Variants in CERS1 observed in about 807,000 individuals in gnomAD.
The protein encoded by CERS1 is Embryonic growth/differentiation factor 1.
A neutral mutation model predicts 35.7 loss-of-function variants in CERS1; 16 were observed. That is an observed-to-expected ratio of 0.45 (90% CI 0.30 to 0.68). The LOEUF (loss-of-function observed/expected upper bound fraction) is 0.68, where lower values mean the gene tolerates loss of function less well. CERS1 is among the 30% of genes least tolerant of loss of function. The pLI, the probability that CERS1 is intolerant of heterozygous loss-of-function variation, is 0.08. For synonymous variants in CERS1, 243 were observed against 201.6 expected (o/e 1.21, Z -1.74); for missense variants, 454 against 453.9 (o/e 1.00, Z 0.00).
chr19:18,887,939 C>T (rs982076946), intron 2 of CERS1, among the ~76,000 whole-genome samples: 2 of 152,166 alleles, frequency 1.3e-5, no homozygotes, highest in African/African-American at 4.8e-5. Context: ...CCTGGCACCC[C>T]CCATCCCACT....
In CERS1 at chr19:18,870,389, C is replaced by T. The variant is rs2055946852; in HGVS notation, c.*188G>A. The T allele has an allele frequency of 6.7e-7, 1 of 1,481,990 alleles. No homozygotes were observed. 91.8% of individuals were successfully genotyped at this position (1,481,990 alleles called of 1,614,324 possible). On this transcript the variant is annotated 3_prime_UTR_variant, in exon 7 of 8. Transcript: ENST00000623882. The surrounding 1 kb of genome is among the most constrained non-coding windows in gnomAD (Gnocchi z 5.1). ...TGGGCTGAGGGCGGGGCCGGTGTCC[C>T]CGGAGGGGCAGGGGTCCTGGGGGGC...
chr19:18,884,805 C>T (rs2056311084), intron 2 of CERS1, among the ~76,000 whole-genome samples: 1 of 149,644 alleles, frequency 6.7e-6, no homozygotes, highest in African/African-American at 2.5e-5. Flanking sequence ...CCTCCACCTC[C>T]CAGGTTCAAG....
chr19:18,884,840 A>C (rs146724200), intron 2 of CERS1, among the ~76,000 whole-genome samples: 1,891 of 150,390 alleles, frequency 0.013, 41 homozygotes, highest in African/African-American at 0.043. Context: ...CAGCCTCCAG[A>C]GTAGCTGGGA....
intron 6 of CERS1, among the ~76,000 whole-genome samples, chr19:18,873,355 A>C (rs758379240): frequency 6.6e-6 from 1 of 151,438 alleles, no homozygotes; most frequent in Non-Finnish European, 1.5e-5. Context: ...GAAGAGAAGG[A>C]GGCCAGCCAG....
At position 18,878,326 on chromosome 19, in the gene CERS1, G is replaced by A. The variant is rs2056103275; in HGVS notation, c.1010+604C>T. ...TGCCTGCCCCAGGCCTGGGGCTTCGGACACCATCTGGCTGTCACCCAGGGC... is the reference window on the plus strand; with the variant it reads ...TGCCTGCCCCAGGCCTGGGGCTTCGAACACCATCTGGCTGTCACCCAGGGC... On this transcript the variant is annotated intron_variant, in intron 6 of 7. Coordinates refer to ENST00000623882, the MANE Select transcript of CERS1 (RefSeq NM_021267.5). This position sits in a 1 kb window ranked among gnomAD's most constrained non-coding sequence, Gnocchi z 4.6. The A allele has an allele frequency of 3.0e-6, 3 of 984,524 alleles. No individual in the cohort carries two copies. Among genetic ancestry groups the A allele is most frequent in the Non-Finnish European group, 3.6e-6 (3 of 829,960 alleles). 61.0% of individuals were successfully genotyped at this position (984,524 alleles called of 1,614,324 possible).
In CERS1 at chr19:18,868,581, C is replaced by G; in HGVS notation, c.*1404G>C. 6.5e-7 allele frequency: 1 copy of G among 1,542,180 alleles called. No homozygotes were observed. Among genetic ancestry groups the G allele is most frequent in the East Asian group, 2.4e-5 (1 of 40,994 alleles). ...GCGGCATTTATTGTTGGGCCCGCGTCCCTGCCCGCCCCGGGTTAGCGGCAG... is the reference window on the plus strand; with the variant it reads ...GCGGCATTTATTGTTGGGCCCGCGTGCCTGCCCGCCCCGGGTTAGCGGCAG... On this transcript the variant is annotated 3_prime_UTR_variant, in exon 8 of 8. Transcript: ENST00000623882.
intron 6 of CERS1, among the ~76,000 whole-genome samples, chr19:18,877,690 G>A (rs909899932): frequency 2.0e-5 from 3 of 148,588 alleles, no homozygotes; most frequent in African/African-American, 7.5e-5. Flanking sequence ...GGGAGGCGGC[G>A]GTTGCAGCGA....
At position 18,895,881 on chromosome 19, in the gene CERS1, C is replaced by A. The variant is rs1234586544; in HGVS notation, c.192G>T (p.Ala64=). 6.3e-6 allele frequency: 8 copies of A among 1,279,740 alleles called. No homozygotes were observed. In the Admixed American group the frequency reaches 2.9e-4, roughly 47 times the overall value. The allele number at this position is 1,279,740 out of a possible 1,614,324, so 79.3% of individuals were successfully genotyped here. ...GGGCGGTCCAGCCCAGCGCGCCGAG[C>A]GCCAGCAGCAGCAGCTCGGGCGGCG... is the stretch of plus-strand genomic sequence containing the variant. ...HLAPPELLLL[A]LGALGWTALR... The change falls in exon 1 of 8, where the codon GCG becomes GCT. Residue 64 remains alanine (A), a synonymous_variant. Coordinates refer to ENST00000623882, the MANE Select transcript of CERS1 (RefSeq NM_021267.5). The surrounding 1 kb of genome is among the most constrained non-coding windows in gnomAD (Gnocchi z 6.4).
At position 18,868,618 on chromosome 19, in the gene CERS1, C is replaced by A; in HGVS notation, c.*1367G>T. 6.4e-7 allele frequency: 1 copy of A among 1,567,378 alleles called. No homozygotes were observed. The highest frequency in any genetic ancestry group is 1.4e-5 in the African/African-American group (1 of 74,000). On this transcript the variant is annotated 3_prime_UTR_variant, in exon 8 of 8. Coordinates refer to ENST00000623882, the MANE Select transcript of CERS1 (RefSeq NM_021267.5). Reference sequence around the variant, plus strand: ...CGGGTTAGCGGCAGCCGCACTCGTCCACCACCATGTCCTCATACTGCCGCA... The same window carrying A: ...CGGGTTAGCGGCAGCCGCACTCGTCAACCACCATGTCCTCATACTGCCGCA...
chr19:18,896,013 C>T lies in CERS1; in HGVS notation c.60G>A (p.Ala20=). 9.9e-7 allele frequency: 1 copy of T among 1,010,312 alleles called. No homozygotes were observed. The highest frequency in any genetic ancestry group is 1.2e-6 in the Non-Finnish European group (1 of 847,134). 62.6% of individuals were successfully genotyped at this position (1,010,312 alleles called of 1,614,324 possible). ...PTGPEPMPSY[A]QLVQRGWGSA... is the part of the protein sequence containing the mutation. The stretch of plus-strand genomic sequence containing the variant: ...TGCCCCAGCCGCGCTGCACTAGCTG[C>T]GCGTAGCTCGGCATGGGCTCGGGCC... Residue 20 remains alanine, a synonymous_variant, in exon 1 of 8, where the codon GCG becomes GCA. Coordinates refer to ENST00000623882, the MANE Select transcript of CERS1 (RefSeq NM_021267.5). The surrounding 1 kb of genome is among the most constrained non-coding windows in gnomAD (Gnocchi z 5.9).
Position 18,869,071 on chromosome 19 carries a change from C to T in CERS1, c.*914G>A. 6 of 1,058,992 alleles carry T rather than the reference C, an allele frequency of 5.7e-6. No individual in the cohort carries two copies. Among genetic ancestry groups the T allele is most frequent in the Non-Finnish European group, 6.8e-6 (6 of 878,244 alleles). 65.6% of individuals were successfully genotyped at this position (1,058,992 alleles called of 1,614,324 possible). A position where few individuals can be genotyped will look rare whatever the true frequency, so the allele number is the denominator to read the frequency against. On this transcript the variant is annotated 3_prime_UTR_variant, in exon 8 of 8. Coordinates refer to ENST00000623882, the MANE Select transcript of CERS1 (RefSeq NM_021267.5). ...GGGCCCGGGGGCGTAGCGCCAGCGC[C>T]AGGCGGAGGCTGCGCGGCCATGAGG... is the stretch of plus-strand genomic sequence containing the variant.
intron 6 of CERS1, among the ~76,000 whole-genome samples, chr19:18,877,503 C>T (rs1369481262): frequency 2.0e-5 from 3 of 152,184 alleles, no homozygotes; most frequent in African/African-American, 7.2e-5. Flanking sequence ...GTAATCCCAG[C>T]AGCTTTGGGA....
rs754571030 is a variant in CERS1, at chr19:18,868,629, C to G, written c.*1356G>C. 1 of 1,573,078 alleles carries G rather than the reference C, an allele frequency of 6.4e-7. No homozygotes were observed. Among genetic ancestry groups the G allele is most frequent in the Non-Finnish European group, 8.6e-7 (1 of 1,159,466 alleles). ...CAGCCGCACTCGTCCACCACCATGT[C>G]CTCATACTGCCGCAGCACCACGTTG... On this transcript the variant is annotated 3_prime_UTR_variant, in exon 8 of 8. Coordinates refer to ENST00000623882, the MANE Select transcript of CERS1 (RefSeq NM_021267.5).
At chr19:18,888,519 T>TAAAA (rs781426705) in intron 2 of CERS1, among the ~76,000 whole-genome samples, 8 of 59,048 alleles carry the variant, frequency 1.4e-4, no homozygotes, top group African/African-American at 5.3e-4. Flanking sequence ...CCCTGTCTCT[T>TAAAA]AAAAAAAAAA....
At chr19:18,893,301 A>C in intron 2 of CERS1, 115 bp downstream of exon 2, 1 of 1,232,654 alleles carries the variant, frequency 8.1e-7, no homozygotes, top group Non-Finnish European at 1.1e-6. Context: ...CTTGGCCTCC[A>C]ACTCCTGGGC....
Position 18,870,275 on chromosome 19 carries a change from G to C in CERS1, c.*302C>G. On this transcript the variant is annotated 3_prime_UTR_variant, in exon 7 of 8. Coordinates refer to ENST00000623882, the MANE Select transcript of CERS1 (RefSeq NM_021267.5). This position sits in a 1 kb window ranked among gnomAD's most constrained non-coding sequence, Gnocchi z 5.1. Reference sequence around the variant, plus strand: ...GCAGGGCCAGGAGGAGGAGGAGGTGGTGGCCGCAGGGACCTTGCTGCGGCG... The same window carrying C: ...GCAGGGCCAGGAGGAGGAGGAGGTGCTGGCCGCAGGGACCTTGCTGCGGCG... 5 of 1,549,776 alleles carry C rather than the reference G, an allele frequency of 3.2e-6. No individual in the cohort carries two copies. The highest frequency in any genetic ancestry group is 3.5e-6 in the Non-Finnish European group (4 of 1,149,068).
chr19:18,872,412 A>G (rs2055987385), intron 6 of CERS1, among the ~76,000 whole-genome samples: 1 of 152,006 alleles, frequency 6.6e-6, no homozygotes, highest in South Asian at 2.1e-4. Flanking sequence ...CAGTGGCGCA[A>G]TCTTGGCTCA....
chr19:18,886,436 C>G (rs1484042339), intron 2 of CERS1, among the ~76,000 whole-genome samples: 3 of 152,020 alleles, frequency 2.0e-5, no homozygotes, highest in Non-Finnish European at 4.4e-5. Context: ...GTGGTCCCAG[C>G]TACTCGGGAG....
intron 2 of CERS1, among the ~76,000 whole-genome samples, chr19:18,885,514 T>TTTTG (rs568982745): frequency 1.8e-3 from 57 of 31,264 alleles, no homozygotes; most frequent in African/African-American, 2.5e-3. Flanking sequence ...CCTTCTCGTT[T>TTTTG]TTTTTTTTTT....
Sources: allele counts gnomAD v4.1 joint callset (sites outside exome capture counted in the v4.1 genomes callset), GRCh38; gene constraint gnomAD v4.1.1; non-coding constraint Gnocchi (gnomAD v3.1); transcripts MANE v1.5; gene names NCBI Gene and HGNC (gene_info 2026-07-23, HGNC 2026-07-21).